The following TMEM132D variants were observed in gnomAD, a reference collection of about 807,000 sequenced individuals.
TMEM132D encodes the protein transmembrane protein 132D, also known as mature OL transmembrane protein.
TMEM132D carries 21 observed loss-of-function variants against 62.3 expected under a neutral mutation model. That is an observed-to-expected ratio of 0.34 (90% CI 0.24 to 0.49). TMEM132D has a LOEUF of 0.49. Ranked by LOEUF, TMEM132D falls within the 20% of genes least tolerant of loss-of-function variation. The pLI, the probability that TMEM132D is intolerant of heterozygous loss-of-function variation, is 0.99. For missense variants in TMEM132D, 1,346 were observed against 1,402.8 expected (o/e 0.96, Z 0.65); for synonymous variants, 621 against 575.6 (o/e 1.08, Z -1.13).
At chr12:129,285,699 T>G (rs1881277255) in intron 4 of TMEM132D, among the ~76,000 whole-genome samples, 1 of 152,168 alleles carries the variant, frequency 6.6e-6, no homozygotes, top group African/African-American at 2.4e-5. Context: ...GTTTCTATTT[T>G]GATATAGCAC....
chr12:129,323,064 A>G (rs1393446853), intron 4 of TMEM132D, among the ~76,000 whole-genome samples: 2 of 152,190 alleles, frequency 1.3e-5, no homozygotes, highest in African/African-American at 4.8e-5. Context: ...TTTGTTGCTG[A>G]CAGGTTTAGG....
intron 1 of TMEM132D, among the ~76,000 whole-genome samples, chr12:129,757,281 A>C (rs912743516): frequency 2.0e-5 from 3 of 152,188 alleles, no homozygotes; most frequent in South Asian, 2.1e-4. Context: ...TTGTGGGATG[A>C]TGGAATTCTG....
intron 2 of TMEM132D, among the ~76,000 whole-genome samples, chr12:129,635,072 C>T (rs155369): frequency 0.016 from 2,420 of 152,320 alleles, 71 homozygotes; most frequent in South Asian, 0.13. Flanking sequence ...TATGTAATTA[C>T]ATCTACATAA....
chr12:129,229,191 C>T (rs764635366), intron 4 of TMEM132D, among the ~76,000 whole-genome samples: 6 of 152,146 alleles, frequency 3.9e-5, no homozygotes, highest in Non-Finnish European at 8.8e-5. Flanking sequence ...CACTCAGCTT[C>T]GGGTGTAACT....
chr12:129,862,920 A>G (rs1873941835), intron 1 of TMEM132D, among the ~76,000 whole-genome samples: 1 of 151,818 alleles, frequency 6.6e-6, no homozygotes, highest in Non-Finnish European at 1.5e-5. Context: ...ACACATCACA[A>G]CATGCTTTGC....
At chr12:129,329,067 G>A (rs1869017148) in intron 4 of TMEM132D, among the ~76,000 whole-genome samples, 1 of 150,262 alleles carries the variant, frequency 6.7e-6, no homozygotes, top group African/African-American at 2.5e-5. Flanking sequence ...ACTTTCATAC[G>A]TCTGGAATCA....
intron 3 of TMEM132D, among the ~76,000 whole-genome samples, chr12:129,467,039 C>T (rs976560688): frequency 2.6e-5 from 4 of 152,176 alleles, no homozygotes; most frequent in East Asian, 1.9e-4. Flanking sequence ...ATCTGACACA[C>T]GGTAGGTGCC....
intron 3 of TMEM132D, among the ~76,000 whole-genome samples, chr12:129,389,745 C>T (rs1011978609): frequency 6.6e-6 from 1 of 152,218 alleles, no homozygotes; most frequent in Non-Finnish European, 1.5e-5. Flanking sequence ...CTAGGGCTAG[C>T]TGAGTATTTA....
At chr12:129,576,441 A>C (rs534235) in intron 2 of TMEM132D, among the ~76,000 whole-genome samples, 128,980 of 151,688 alleles carry the variant, frequency 0.85, 55,115 homozygotes, top group East Asian at 0.99. Flanking sequence ...TGTGTCTATA[A>C]GTATGTGTAT....
At chr12:129,605,587 T>TTGTATATATATATATATATATATA (rs1555221320) in intron 2 of TMEM132D, among the ~76,000 whole-genome samples, 11 of 107,352 alleles carry the variant, frequency 1.0e-4, no homozygotes, top group African/African-American at 3.9e-4. Flanking sequence ...AAATTAGGCA[T>TTGTATATATATATATATATATATA]TATATATATA....
chr12:129,458,390 G>T (rs1266477930), intron 3 of TMEM132D, among the ~76,000 whole-genome samples: 1 of 130,434 alleles, frequency 7.7e-6, no homozygotes, highest in South Asian at 2.4e-4. Flanking sequence ...ATATCAGAGT[G>T]GGCAGAGGTT....
intron 4 of TMEM132D, among the ~76,000 whole-genome samples, chr12:129,268,894 G>A (rs1003942426): frequency 4.0e-5 from 6 of 151,836 alleles, no homozygotes; most frequent in African/African-American, 1.5e-4. Context: ...CTGAAAACCA[G>A]CATTCTCAGC....
chr12:129,538,551 CTA>C (rs1428919310), intron 2 of TMEM132D, among the ~76,000 whole-genome samples: 1 of 152,140 alleles, frequency 6.6e-6, no homozygotes, highest in Admixed American at 6.5e-5. Flanking sequence ...CCTATACATA[CTA>C]TGTTTTTTTT....
intron 3 of TMEM132D, among the ~76,000 whole-genome samples, chr12:129,515,865 T>C (rs1361866361): frequency 2.0e-5 from 3 of 152,244 alleles, no homozygotes; most frequent in Admixed American, 6.5e-5. Context: ...TTTTTATTTC[T>C]GAAGGCTCCC....
chr12:129,743,009 C>T (rs1267900009), intron 1 of TMEM132D, among the ~76,000 whole-genome samples: 1 of 152,248 alleles, frequency 6.6e-6, no homozygotes, highest in African/African-American at 2.4e-5. Flanking sequence ...GGGAATCACA[C>T]TGTGTAAGGG....
At chr12:129,379,582 C>T (rs1227051393) in intron 3 of TMEM132D, among the ~76,000 whole-genome samples, 4 of 152,186 alleles carry the variant, frequency 2.6e-5, no homozygotes, top group African/African-American at 7.2e-5. Flanking sequence ...GGCACGATGA[C>T]GTCTTTGTGC....
Position 129,561,482 on chromosome 12 carries a change from G to T in TMEM132D, c.969-30277C>A, listed in dbSNP as rs1053311854. Among the ~76,000 whole-genome samples the T allele has an allele frequency of 1.1e-4, 17 of 152,250 alleles. No individual in the cohort carries two copies. The South Asian group carries it at 1.5e-3, about 13-fold the overall frequency. ...AGAGTTTCTTCATGTCACACTAATAGTTTCACTGATTGAAAATCCACAGCA... is the reference window on the plus strand; with the variant it reads ...AGAGTTTCTTCATGTCACACTAATATTTTCACTGATTGAAAATCCACAGCA... On this transcript the variant is annotated intron_variant, in intron 2 of 8. Transcript: ENST00000422113.
At chr12:129,174,090 G>A (rs1020528765) in intron 5 of TMEM132D, among the ~76,000 whole-genome samples, 3 of 152,134 alleles carry the variant, frequency 2.0e-5, no homozygotes, top group Non-Finnish European at 2.9e-5. Flanking sequence ...CTGAAATAAC[G>A]ATGCCCCGCT....
At chr12:129,268,274 C>T (rs142104234) in intron 4 of TMEM132D, among the ~76,000 whole-genome samples, 10,670 of 152,068 alleles carry the variant, frequency 0.07, 557 homozygotes, top group Admixed American at 0.17. Context: ...AAAATTTTTG[C>T]AACCTACTCA....
Sources: gnomAD v4.1 joint callset for allele counts (sites outside exome capture counted in the v4.1 genomes callset) on GRCh38, gnomAD v4.1.1 for gene constraint, MANE v1.5 for transcripts, NCBI Gene and HGNC (gene_info 2026-07-23, HGNC 2026-07-21) for gene names.